Variants in INTS9 observed in about 807,000 individuals in gnomAD.
The protein encoded by INTS9 is integrator complex subunit 9.
A neutral mutation model predicts 79.7 loss-of-function variants in INTS9; 55 were observed. That is an observed-to-expected ratio of 0.69 (90% CI 0.56 to 0.86). INTS9 has a LOEUF of 0.86. INTS9 is among the 40% of genes least tolerant of loss of function. INTS9 has a pLI of 0.00. For missense variants in INTS9, 721 were observed against 831.5 expected (o/e 0.87, Z 1.64); for synonymous variants, 319 against 325.2 (o/e 0.98, Z 0.20).
intron 8 of INTS9, among the ~76,000 whole-genome samples, chr8:28,800,275 G>A (rs1286524788): frequency 1.3e-5 from 2 of 152,192 alleles, no homozygotes; most frequent in Non-Finnish European, 2.9e-5. Context: ...AGTGCAGTGG[G>A]AGTCAGGAAG....
At chr8:28,781,270 G>A (rs560347985) in intron 11 of INTS9, among the ~76,000 whole-genome samples, 1 of 152,160 alleles carries the variant, frequency 6.6e-6, no homozygotes, top group South Asian at 2.1e-4. Context: ...GATGGCAAAT[G>A]AGCATACGAA....
At chr8:28,813,019 G>T (rs904244347) in intron 7 of INTS9, among the ~76,000 whole-genome samples, 5 of 152,292 alleles carry the variant, frequency 3.3e-5, no homozygotes, top group Admixed American at 6.5e-5. Context: ...AAAAGGGAGA[G>T]ATGAAATATT....
chr8:28,815,542 T>C (rs1805420856), intron 6 of INTS9, among the ~76,000 whole-genome samples: 1 of 152,178 alleles, frequency 6.6e-6, no homozygotes, highest in Non-Finnish European at 1.5e-5. Context: ...CTGGATTACT[T>C]TGGATTTTGG....
intron 6 of INTS9, among the ~76,000 whole-genome samples, chr8:28,815,115 GA>G: frequency 6.6e-6 from 1 of 152,198 alleles, no homozygotes; most frequent in South Asian, 2.1e-4. Flanking sequence ...GCAGGTAGAA[GA>G]AAACTTTAAG....
intron 1 of INTS9, among the ~76,000 whole-genome samples, chr8:28,881,729 G>A (rs1809833047): frequency 1.4e-5 from 2 of 139,766 alleles, no homozygotes; most frequent in East Asian, 2.4e-4. Context: ...CCTTCCGGCC[G>A]GCCGCCCCGT....
intron 1 of INTS9, among the ~76,000 whole-genome samples, chr8:28,881,614 C>T (rs1809819581): frequency 4.3e-5 from 5 of 116,192 alleles, no homozygotes; most frequent in Admixed American, 1.6e-4. Flanking sequence ...CCGCCCCGTC[C>T]GGGAGGTGAG....
intron 1 of INTS9, among the ~76,000 whole-genome samples, chr8:28,881,307 A>T (rs1186757770): frequency 2.5e-5 from 1 of 40,444 alleles, no homozygotes; most frequent in African/African-American, 1.1e-4. Flanking sequence ...AGGTGGGGGG[A>T]TCAGCCCCCC....
intron 14 of INTS9, 44 bp from the exon 15 acceptor site, chr8:28,771,124 G>T: frequency 3.2e-6 from 4 of 1,233,548 alleles, no homozygotes; most frequent in South Asian, 2.5e-5. Flanking sequence ...CTTTAATGAT[G>T]ACCATTACTC....
chr8:28,837,588 G>C, intron 5 of INTS9, 49 bp downstream of exon 5: 1 of 1,587,720 alleles, frequency 6.3e-7, no homozygotes, highest in Non-Finnish European at 8.6e-7. Flanking sequence ...ATCACTGAGG[G>C]AGGAGCTCCG....
At chr8:28,806,722 G>A (rs955537083) in intron 8 of INTS9, among the ~76,000 whole-genome samples, 1 of 152,124 alleles carries the variant, frequency 6.6e-6, no homozygotes, top group African/African-American at 2.4e-5. Context: ...CTAATCCTAT[G>A]TCTAATCAGA....
At chr8:28,883,931 C>T (rs1394038490) in intron 1 of INTS9, among the ~76,000 whole-genome samples, 3 of 152,002 alleles carry the variant, frequency 2.0e-5, no homozygotes, top group Non-Finnish European at 4.4e-5. Flanking sequence ...CAACCTGGGC[C>T]CTTGTGAACT....
intron 3 of INTS9, among the ~76,000 whole-genome samples, chr8:28,848,619 G>A (rs369650267): frequency 6.6e-6 from 1 of 152,158 alleles, no homozygotes; most frequent in Non-Finnish European, 1.5e-5. Context: ...CTTAGGATGA[G>A]GTTAAAAATG....
Position 28,868,841 on chromosome 8 carries a change from G to A in INTS9, c.10-9278C>T, listed in dbSNP as rs79121244. On this transcript the variant is annotated intron_variant, in intron 1 of 16. Coordinates refer to ENST00000521022, the MANE Select transcript of INTS9 (RefSeq NM_018250.4). ...TTCTGGGCTGGATGCGGTGGCTCAT[G>A]GCTGTAATCCCAGCACTTTGGGAGG... Among the ~76,000 whole-genome samples the A allele has an allele frequency of 1.7e-3, 254 of 152,270 alleles. 1 individual carries two copies. The highest frequency in any genetic ancestry group is 5.8e-3 in the African/African-American group (243 of 41,552).
intron 4 of INTS9, among the ~76,000 whole-genome samples, chr8:28,846,119 T>C (rs1370453911): frequency 6.6e-6 from 1 of 152,200 alleles, no homozygotes; most frequent in African/African-American, 2.4e-5. Flanking sequence ...ACATTTCACA[T>C]GTCTGTTAAG....
chr8:28,837,542 T>A, intron 5 of INTS9, 95 bp downstream of exon 5: 17 of 1,338,520 alleles, frequency 1.3e-5, no homozygotes, highest in East Asian at 2.7e-5. Context: ...CAGAAGGAAC[T>A]AACCACCAGC....
intron 8 of INTS9, among the ~76,000 whole-genome samples, chr8:28,804,014 C>T (rs536510045): frequency 7.3e-4 from 111 of 152,080 alleles, no homozygotes; most frequent in Non-Finnish European, 1.4e-3. Flanking sequence ...GCCTCAACCT[C>T]CCTAACTCAA....
At chr8:28,848,094 T>C (rs1460670790) in intron 3 of INTS9, among the ~76,000 whole-genome samples, 1 of 152,220 alleles carries the variant, frequency 6.6e-6, no homozygotes, top group African/African-American at 2.4e-5. Context: ...CCACTAATGC[T>C]TTCTCCTCTC....
intron 1 of INTS9, among the ~76,000 whole-genome samples, chr8:28,860,165 T>A (rs1045805106): frequency 6.6e-6 from 1 of 152,166 alleles, no homozygotes; most frequent in Non-Finnish European, 1.5e-5. Flanking sequence ...TAGGAATCTC[T>A]TGCCTATGGC....
chr8:28,846,280 G>T (rs945181374), intron 4 of INTS9, among the ~76,000 whole-genome samples: 1 of 152,182 alleles, frequency 6.6e-6, no homozygotes, highest in Non-Finnish European at 1.5e-5. Flanking sequence ...ATATGTAAGT[G>T]ATTGTCTTCT....
Sources: allele counts gnomAD v4.1 joint callset (sites outside exome capture counted in the v4.1 genomes callset), GRCh38; gene constraint gnomAD v4.1.1; transcripts MANE v1.5; gene names NCBI Gene and HGNC (gene_info 2026-07-23, HGNC 2026-07-21).